The following KRT7 variants were observed in gnomAD, a reference collection of about 807,000 sequenced individuals.
KRT7 encodes the protein keratin, type II cytoskeletal 7.
KRT7 carries 50 observed loss-of-function variants against 42.8 expected under a neutral mutation model. The ratio of observed to expected loss-of-function variants is 1.17; its 90% confidence interval spans 0.93 to 1.48. KRT7 has a LOEUF of 1.48. KRT7 is among the 40% of genes most tolerant of loss of function. KRT7 has a pLI of 0.00. For missense variants in KRT7, 588 were observed against 637.6 expected (o/e 0.92, Z 0.84); for synonymous variants, 268 against 266.3 (o/e 1.01, Z -0.06).
chr12:52,237,256 C>G (rs1038685687), intron 2 of KRT7, among the ~76,000 whole-genome samples: 3 of 152,152 alleles, frequency 2.0e-5, no homozygotes, highest in East Asian at 1.9e-4. Context: ...CCAGGACATG[C>G]AGCTTTTGTG....
intron 2 of KRT7, 57 bp downstream of exon 2, chr12:52,235,423 T>G (rs895650782): frequency 5.5e-6 from 8 of 1,463,014 alleles, no homozygotes; most frequent in Non-Finnish European, 7.4e-6. Flanking sequence ...GTGACCCTCA[T>G]GAGCTGACCC....
downstream of KRT7, among the ~76,000 whole-genome samples, chr12:52,251,613 A>G (rs1942267663): frequency 6.6e-6 from 1 of 152,214 alleles, no homozygotes; most frequent in South Asian, 2.1e-4. Context: ...GTGTATCTGA[A>G]CATAGCTAAA....
Position 52,237,670 on chromosome 12 carries a change from G to A in KRT7, c.597+101G>A, listed in dbSNP as rs144577134. 68 of 941,924 alleles carry A rather than the reference G, an allele frequency of 7.2e-5. 2 individuals carry two copies. The African/African-American group carries it at 9.5e-4, about 13-fold the overall frequency. The allele number at this position is 941,924 out of a possible 1,614,324, so 58.3% of individuals were successfully genotyped here. ...GCAGCCCATGGGGACCTCTGGCCAA[G>A]GCCTGCCTGAGCTGTCCAAGAGGAA... On this transcript the variant is annotated intron_variant, in intron 3 of 8. Coordinates refer to ENST00000331817, the MANE Select transcript of KRT7 (RefSeq NM_005556.4).
downstream of KRT7, chr12:52,252,006 C>A (rs1347028081): frequency 1.5e-6 from 1 of 672,040 alleles, no homozygotes; most frequent in East Asian, 3.0e-5. Context: ...TATTTCAGGA[C>A]CCACAAAATG....
downstream of KRT7, among the ~76,000 whole-genome samples, chr12:52,249,147 G>A (rs1166821799): frequency 1.3e-5 from 2 of 152,194 alleles, no homozygotes; most frequent in Non-Finnish European, 2.9e-5. Flanking sequence ...GAAGAGCCAC[G>A]GGGAAATGCA....
chr12:52,233,889 A>G (rs531835219), intron 1 of KRT7, among the ~76,000 whole-genome samples: 5 of 151,944 alleles, frequency 3.3e-5, no homozygotes, highest in Non-Finnish European at 7.4e-5. Context: ...TGAGTCCTGT[A>G]GGGCTGCCCT....
chr12:52,253,655 G>A (rs755028748), downstream of KRT7: 38 of 1,517,038 alleles, frequency 2.5e-5, no homozygotes, highest in African/African-American at 2.7e-5. Flanking sequence ...CAATGTCATC[G>A]TACTGAGCTT....
At chr12:52,251,053 C>T (rs1166157711), downstream of KRT7, among the ~76,000 whole-genome samples, 1 of 152,218 alleles carries the variant, frequency 6.6e-6, no homozygotes, top group Non-Finnish European at 1.5e-5. Flanking sequence ...GATCTCGGCT[C>T]ACTGCAACCT....
chr12:52,250,446 G>T, downstream of KRT7: 1 of 492,812 alleles, frequency 2.0e-6, no homozygotes, highest in South Asian at 1.8e-5. Flanking sequence ...GTGAGGCGGC[G>T]TCGGTACAAA....
At chr12:52,234,322 G>T (rs1252266340) in intron 1 of KRT7, among the ~76,000 whole-genome samples, 1 of 152,192 alleles carries the variant, frequency 6.6e-6, no homozygotes, top group East Asian at 1.9e-4. Flanking sequence ...ACATGGGGCC[G>T]CTGGAGGGGG....
chr12:52,251,790 C>T (rs1376583370), downstream of KRT7: 11 of 357,190 alleles, frequency 3.1e-5, no homozygotes, highest in South Asian at 8.7e-5. Flanking sequence ...CTGCAAACTA[C>T]GGCCACATGC....
Position 52,235,279 on chromosome 12 carries a change from G to C in KRT7, c.449G>C (p.Gly150Ala), listed in dbSNP as rs745705373. The change falls in exon 2 of 9, where the codon GGT becomes GCT. Residue 150 changes from glycine to alanine, a missense_variant. Coordinates refer to ENST00000331817, the MANE Select transcript of KRT7 (RefSeq NM_005556.4). ...GAGGCCCAGATTGCTGGCCTTCGGG[G>C]TCAGCTTGAGGCACTGCAGGTGGAT... is the stretch of plus-strand genomic sequence containing the variant. Reference protein sequence around the residue: ...IFEAQIAGLRGQLEALQVDGG... With the variant: ...IFEAQIAGLRAQLEALQVDGG... 95 of 1,614,058 alleles carry C rather than the reference G, an allele frequency of 5.9e-5. No homozygotes were observed. Among genetic ancestry groups the C allele is most frequent in the Middle Eastern group, 1.7e-4 (1 of 6,044 alleles).
At chr12:52,242,260 A>C (rs913878344) in intron 5 of KRT7, among the ~76,000 whole-genome samples, 2 of 152,190 alleles carry the variant, frequency 1.3e-5, no homozygotes, top group Non-Finnish European at 2.9e-5. Context: ...GGCGTGAGAC[A>C]CCGCACCCAG....
chr12:52,243,863 T>C (rs914982439), intron 6 of KRT7, among the ~76,000 whole-genome samples: 31 of 152,234 alleles, frequency 2.0e-4, no homozygotes, highest in African/African-American at 7.2e-4. Flanking sequence ...CACTGGAATA[T>C]AACAGATGCC....
downstream of KRT7, among the ~76,000 whole-genome samples, chr12:52,253,049 A>ATTCAGCGAGAATGGAGAACGTTT (rs1942289950): frequency 6.6e-6 from 1 of 152,112 alleles, no homozygotes; most frequent in Non-Finnish European, 1.5e-5. Context: ...CAATGCCTCC[A>ATTCAGCGAGAATGGAGAACGTTT]TTCAGCGAGA....
chr12:52,249,534 T>A (rs1261000284), downstream of KRT7: 1 of 152,282 alleles, frequency 6.6e-6, no homozygotes, highest in African/African-American at 2.4e-5. Flanking sequence ...GGGATGGGTT[T>A]GTATCTGGAT....
intron 2 of KRT7, among the ~76,000 whole-genome samples, chr12:52,236,651 T>C (rs1942016391): frequency 6.6e-6 from 1 of 152,222 alleles, no homozygotes; most frequent in Non-Finnish European, 1.5e-5. Flanking sequence ...TCTGGGCTCC[T>C]GAAGGGGCTT....
chr12:52,250,478 CA>C, downstream of KRT7: 3 of 627,954 alleles, frequency 4.8e-6, no homozygotes, highest in Middle Eastern at 4.3e-4. Flanking sequence ...AGGCGAAGCG[CA>C]CGGAGCGGCC....
chr12:52,238,865 C>G, intron 4 of KRT7, 90 bp downstream of exon 4: 1 of 810,212 alleles, frequency 1.2e-6, no homozygotes, highest in Non-Finnish European at 2.1e-6. Context: ...TGTGTCAGTC[C>G]AGATATGTGT....
Sources: gnomAD v4.1 joint callset for allele counts (sites outside exome capture counted in the v4.1 genomes callset) on GRCh38, gnomAD v4.1.1 for gene constraint, MANE v1.5 for transcripts, NCBI Gene and HGNC (gene_info 2026-07-23, HGNC 2026-07-21) for gene names.